The following ZNF532 variants were observed in gnomAD, a reference collection of about 807,000 sequenced individuals.
ZNF532 encodes zinc finger protein 532.
A neutral mutation model predicts 89.3 loss-of-function variants in ZNF532; 22 were observed. The observed-to-expected ratio is 0.25, with a 90% CI of 0.18 to 0.35. The LOEUF is 0.35. Ranked by LOEUF, ZNF532 falls within the 10% of genes least tolerant of loss-of-function variation. The pLI, the probability that ZNF532 is intolerant of heterozygous loss-of-function variation, is 1.00. For synonymous variants in ZNF532, 606 were observed against 649.6 expected, an observed-to-expected ratio of 0.93 and a Z score of 1.02; for missense variants, 1,132 against 1,643.4, an observed-to-expected ratio of 0.69 and a Z score of 5.38.
At chr18:58,947,502 ATT>A (rs528324433) in intron 5 of ZNF532, among the ~76,000 whole-genome samples, 46 of 152,162 alleles carry the variant, frequency 3.0e-4, no homozygotes, top group Non-Finnish European at 5.9e-4. Context: ...AGTGGTATCG[ATT>A]TTATTTTCTG....
chr18:58,911,511 G>A (rs1168592295), intron 2 of ZNF532, among the ~76,000 whole-genome samples: 2 of 152,122 alleles, frequency 1.3e-5, no homozygotes, highest in Non-Finnish European at 2.9e-5. Context: ...AGGATCACTC[G>A]AGGCCAGTTT....
At chr18:58,916,887 A>G in intron 2 of ZNF532, among the ~76,000 whole-genome samples, 1 of 152,228 alleles carries the variant, frequency 6.6e-6, no homozygotes, top group East Asian at 1.9e-4. Context: ...GTACAAGAAA[A>G]AAAAAATCAA....
chr18:58,953,360 A>G, intron 6 of ZNF532, 158 bp from the exon 7 acceptor site: 2 of 646,520 alleles, frequency 3.1e-6, no homozygotes, highest in Non-Finnish European at 2.6e-6. Flanking sequence ...CTCTTTTGAA[A>G]TGTATATTTA....
At position 58,918,256 on chromosome 18, in the gene ZNF532, C is replaced by G; in HGVS notation, c.-17-15C>G. The G allele has an allele frequency of 6.3e-7, 1 of 1,593,396 alleles. No homozygotes were observed. Among genetic ancestry groups the G allele is most frequent in the Non-Finnish European group, 8.6e-7 (1 of 1,168,742 alleles). On this transcript the variant is annotated splice_polypyrimidine_tract_variant and intron_variant, in intron 2 of 9. Transcript: ENST00000591808. ...TACCAATTACTGATGGAACTATTTT[C>G]TGCTCATTTAACAGAACATCTGCTC...
At chr18:58,975,070 T>C (rs2066890028) in intron 7 of ZNF532, among the ~76,000 whole-genome samples, 1 of 152,178 alleles carries the variant, frequency 6.6e-6, no homozygotes, top group African/African-American at 2.4e-5. Context: ...GGTCTCTTCA[T>C]AGAATAGATT....
chr18:58,918,294 A>G lies in ZNF532; in HGVS notation c.7A>G (p.Met3Val). The change falls in exon 3 of 10, where the codon ATG becomes GTG. Residue 3 changes from methionine to valine, a missense_variant. By Grantham distance (21) the Met-to-Val change is conservative. This residue lies in a region of ZNF532 where 15 missense variants were observed against 43.6 expected (regional missense o/e 0.34). Coordinates refer to ENST00000591808, the MANE Select transcript of ZNF532 (RefSeq NM_001375912.1). The part of the protein sequence containing the change: MT[M>V]GDMKTPDFDD... ...AGAACATCTGCTCAAATTAATGACC[A>G]TGGGGGATATGAAGACCCCAGACTT... 1.2e-6 allele frequency: 2 copies of G among 1,613,364 alleles called. No homozygotes were observed. The highest frequency in any genetic ancestry group is 1.7e-6 in the Non-Finnish European group (2 of 1,179,514).
chr18:58,888,715 A>AT (rs1555708897), intron 2 of ZNF532, among the ~76,000 whole-genome samples: 12 of 46,738 alleles, frequency 2.6e-4, no homozygotes, highest in Non-Finnish European at 3.5e-4. Flanking sequence ...ATATATATAT[A>AT]TATATATATA....
At chr18:58,888,726 A>T (rs57076645) in intron 2 of ZNF532, among the ~76,000 whole-genome samples, 115 of 53,288 alleles carry the variant, frequency 2.2e-3, no homozygotes, top group African/African-American at 0.011. Flanking sequence ...TATATATATA[A>T]ATTATATATA....
rs142857647 is a variant in ZNF532, at chr18:58,899,554, T to C, written c.-17-18717T>C. On this transcript the variant is annotated intron_variant, in intron 2 of 9. Coordinates refer to ENST00000591808, the MANE Select transcript of ZNF532 (RefSeq NM_001375912.1). ...CGCGATCTTGACTCACTGCAACCTC[T>C]GCCTCCCGGGTTCAAGCGATTCTCC... 4.9e-3 allele frequency among the ~76,000 whole-genome samples: 744 copies of C among 152,242 alleles called. 7 individuals are homozygous for C. Among genetic ancestry groups the C allele is most frequent in the African/African-American group, 0.016 (675 of 41,552 alleles).
At chr18:58,979,906 C>T (rs1200197495) in intron 8 of ZNF532, 2 of 152,314 alleles carry the variant, frequency 1.3e-5, no homozygotes, top group Non-Finnish European at 2.9e-5. Flanking sequence ...AACATCAACC[C>T]AGACTCCAGT....
rs2064445719 is a variant in ZNF532 at position 58,953,651 on chromosome 18, A to C, written c.3002A>C (p.Glu1001Ala). The C allele has an allele frequency of 1.2e-6, 2 of 1,614,032 alleles. No individual in the cohort carries two copies. Among genetic ancestry groups the C allele is most frequent in the Non-Finnish European group, 1.7e-6 (2 of 1,179,880 alleles). The change falls in exon 7 of 10, where the codon GAG becomes GCG. Residue 1001 changes from glutamate (E) to alanine (A), a missense_variant. By Grantham distance (107) the Glu-to-Ala change is moderately radical. Coordinates refer to ENST00000591808, the MANE Select transcript of ZNF532 (RefSeq NM_001375912.1). ...GACACCAAATCCATGAATGGGAAAGAGAAATTGGAAAAGAAATCTCCATCT... is the reference window on the plus strand; with the variant it reads ...GACACCAAATCCATGAATGGGAAAGCGAAATTGGAAAAGAAATCTCCATCT... ...KEDTKSMNGK[E>A]KLEKKSPSPV...
intron 2 of ZNF532, among the ~76,000 whole-genome samples, chr18:58,886,900 G>A (rs2058341043): frequency 6.6e-6 from 1 of 152,190 alleles, no homozygotes; most frequent in Non-Finnish European, 1.5e-5. Flanking sequence ...TTGTGGGTAT[G>A]CTATTAGAGA....
intron 7 of ZNF532, among the ~76,000 whole-genome samples, chr18:58,968,637 CATAG>C (rs2066160711): frequency 6.6e-6 from 1 of 152,194 alleles, no homozygotes; most frequent in African/African-American, 2.4e-5. Context: ...AGAGCGTAGA[CATAG>C]ATCCCTTGGG....
intron 7 of ZNF532, among the ~76,000 whole-genome samples, chr18:58,967,698 C>T (rs767651401): frequency 2.0e-5 from 3 of 152,288 alleles, no homozygotes; most frequent in South Asian, 4.1e-4. Flanking sequence ...TCGAAACGCA[C>T]GGCATTCGGT....
chr18:58,942,258 G>C (rs967916764), intron 5 of ZNF532, among the ~76,000 whole-genome samples: 3 of 148,256 alleles, frequency 2.0e-5, no homozygotes, highest in Admixed American at 1.3e-4. Context: ...TCCTGACCTC[G>C]TGATCCGCCC....
chr18:58,954,523 G>C lies in ZNF532; in HGVS notation c.3150+724G>C, dbSNP rs2064550560. Among the ~76,000 whole-genome samples, 2 of 151,958 alleles carry C rather than the reference G, an allele frequency of 1.3e-5. 1 individual carries two copies. Among genetic ancestry groups the C allele is most frequent in the South Asian group, 4.2e-4 (2 of 4,808 alleles). The stretch of plus-strand genomic sequence containing the variant: ...CCCAAAAAGTCCATATATTACATTT[G>C]GTTGTTGTGTAATTCTTTATTTTAC... On this transcript the variant is annotated intron_variant, in intron 7 of 9. Coordinates refer to ENST00000591808, the MANE Select transcript of ZNF532 (RefSeq NM_001375912.1).
chr18:58,885,901 C>T (rs1223439029), intron 2 of ZNF532, among the ~76,000 whole-genome samples: 4 of 151,994 alleles, frequency 2.6e-5, no homozygotes, highest in Admixed American at 1.3e-4. Context: ...TCCCTCACCC[C>T]GTTTCATAGC....
chr18:58,951,646 G>GTTTTTTTTTTTGGTTT lies in ZNF532; in HGVS notation c.2869-1861_2869-1860insGGTTTTTTTTTTTTTT, dbSNP rs760650267. Among the ~76,000 whole-genome samples the GTTTTTTTTTTTGGTTT allele has an allele frequency of 1.7e-4, 12 of 72,600 alleles. 1 individual carries two copies. Among genetic ancestry groups the GTTTTTTTTTTTGGTTT allele is most frequent in the South Asian group, 5.5e-4 (1 of 1,810 alleles). 47.6% of individuals were successfully genotyped at this position (72,600 alleles called of 152,430 possible). Reference sequence around the variant, plus strand: ...CAATCACCTCAGCCCTCGCCCTGTTGTTTTTTTTTTTTTTTTTTTTTGAGA... The same window carrying GTTTTTTTTTTTGGTTT: ...CAATCACCTCAGCCCTCGCCCTGTTGTTTTTTTTTTTGGTTTTTTTTTTTTTTTTTTTTTTTTGAGA... On this transcript the variant is annotated intron_variant, in intron 6 of 9. Transcript: ENST00000591808.
At chr18:58,903,124 G>A (rs1181931388) in intron 2 of ZNF532, among the ~76,000 whole-genome samples, 3 of 152,100 alleles carry the variant, frequency 2.0e-5, no homozygotes, top group East Asian at 1.9e-4. Context: ...CCTGTGATAC[G>A]GCTGTTAACT....
Sources: allele counts gnomAD v4.1 joint callset (sites outside exome capture counted in the v4.1 genomes callset), GRCh38; gene constraint gnomAD v4.1.1; regional missense constraint gnomAD v4.1.1; transcripts MANE v1.5; gene names NCBI Gene and HGNC (gene_info 2026-07-23, HGNC 2026-07-21).